RAP1GDS1: variants seen among roughly 807,000 people sequenced by gnomAD.
The protein encoded by RAP1GDS1 is Rap1 GTPase-GDP dissociation stimulator 1.
A neutral mutation model predicts 71.1 loss-of-function variants in RAP1GDS1; 35 were observed. The observed-to-expected ratio is 0.49, with a 90% CI of 0.38 to 0.65. The LOEUF is 0.65. RAP1GDS1 is among the 30% of genes least tolerant of loss of function. RAP1GDS1 has a pLI of 0.00. For synonymous variants in RAP1GDS1, 229 were observed against 243.1 expected (o/e 0.94, Z 0.54); for missense variants, 663 against 706.1 (o/e 0.94, Z 0.69).
intron 2 of RAP1GDS1, among the ~76,000 whole-genome samples, chr4:98,320,006 T>A (rs1262961674): frequency 6.6e-6 from 1 of 152,168 alleles, no homozygotes; most frequent in Non-Finnish European, 1.5e-5. Flanking sequence ...ACTTTTATGA[T>A]GATCCACTTC....
intron 12 of RAP1GDS1, among the ~76,000 whole-genome samples, chr4:98,429,249 C>T (rs571926359): frequency 6.2e-4 from 83 of 134,394 alleles, no homozygotes; most frequent in Middle Eastern, 4.2e-3. Flanking sequence ...CAGTGCAAGA[C>T]GTGTCTCAAA....
intron 7 of RAP1GDS1, among the ~76,000 whole-genome samples, chr4:98,415,978 A>G (rs1747918306): frequency 6.6e-6 from 1 of 151,846 alleles, no homozygotes; most frequent in African/African-American, 2.4e-5. Context: ...GTGCAGTGGC[A>G]CAGTCATAGC....
At chr4:98,311,341 T>C (rs947819984) in intron 2 of RAP1GDS1, among the ~76,000 whole-genome samples, 2 of 152,240 alleles carry the variant, frequency 1.3e-5, no homozygotes, top group Non-Finnish European at 2.9e-5. Context: ...GACTCTTAAG[T>C]ATTTTTTAAA....
chr4:98,291,092 A>G (rs1170315153), intron 1 of RAP1GDS1, among the ~76,000 whole-genome samples: 3 of 152,162 alleles, frequency 2.0e-5, no homozygotes, highest in African/African-American at 7.2e-5. Context: ...AGAAAAATTC[A>G]TTGGCTTTGT....
chr4:98,359,427 G>A (rs1230534009), intron 4 of RAP1GDS1, among the ~76,000 whole-genome samples: 1 of 152,128 alleles, frequency 6.6e-6, no homozygotes, highest in Non-Finnish European at 1.5e-5. Flanking sequence ...GTAGTAAAGA[G>A]GGCACTCAAA....
At chr4:98,405,611 C>G (rs1380291900) in intron 7 of RAP1GDS1, among the ~76,000 whole-genome samples, 1 of 151,714 alleles carries the variant, frequency 6.6e-6, no homozygotes, top group Non-Finnish European at 1.5e-5. Flanking sequence ...TGCAAAGATC[C>G]AAGAAGCCCT....
intron 2 of RAP1GDS1, among the ~76,000 whole-genome samples, chr4:98,322,873 G>T (rs1217418376): frequency 7.9e-6 from 1 of 126,974 alleles, no homozygotes; most frequent in Non-Finnish European, 1.5e-5. Context: ...AGAAAAGCAA[G>T]AGCAAACACA....
chr4:98,264,920 A>G (rs1376942669), intron 1 of RAP1GDS1, among the ~76,000 whole-genome samples: 1 of 152,256 alleles, frequency 6.6e-6, no homozygotes, highest in Non-Finnish European at 1.5e-5. Flanking sequence ...AGGTAAGGAA[A>G]TAGTGGGTAA....
At chr4:98,330,947 G>A (rs924010038) in intron 2 of RAP1GDS1, among the ~76,000 whole-genome samples, 9 of 152,320 alleles carry the variant, frequency 5.9e-5, no homozygotes, top group South Asian at 2.1e-4. Context: ...CAAGGCAGGC[G>A]GCTGGGAGGT....
intron 4 of RAP1GDS1, among the ~76,000 whole-genome samples, chr4:98,374,363 A>AG (rs1223054659): frequency 6.6e-6 from 1 of 151,808 alleles, no homozygotes; most frequent in Non-Finnish European, 1.5e-5. Flanking sequence ...TACAGTCTCC[A>AG]TTTTCTCCAA....
chr4:98,415,887 A>G (rs922548742), intron 7 of RAP1GDS1, among the ~76,000 whole-genome samples: 3 of 152,142 alleles, frequency 2.0e-5, no homozygotes, highest in African/African-American at 7.2e-5. Flanking sequence ...GAAAACCTGA[A>G]GCCCTTTTTA....
At chr4:98,321,912 C>G (rs1182098502) in intron 2 of RAP1GDS1, among the ~76,000 whole-genome samples, 4 of 39,358 alleles carry the variant, frequency 1.0e-4, no homozygotes, top group Non-Finnish European at 2.1e-4. Flanking sequence ...CAAATTCACA[C>G]ATAACAATAT....
chr4:98,429,746 C>A (rs1054346443), intron 12 of RAP1GDS1, among the ~76,000 whole-genome samples: 3 of 152,178 alleles, frequency 2.0e-5, no homozygotes, highest in Non-Finnish European at 4.4e-5. Flanking sequence ...GCAGGTTGGA[C>A]ACGCTTGGTT....
chr4:98,340,211 A>G (rs372157713), intron 2 of RAP1GDS1, among the ~76,000 whole-genome samples: 3 of 152,244 alleles, frequency 2.0e-5, no homozygotes, highest in Non-Finnish European at 4.4e-5. Flanking sequence ...TCATTCTACG[A>G]TAAAGACACA....
At chr4:98,309,576 A>C (rs1464114312) in intron 2 of RAP1GDS1, among the ~76,000 whole-genome samples, 1 of 152,028 alleles carries the variant, frequency 6.6e-6, no homozygotes, top group Non-Finnish European at 1.5e-5. Context: ...AGTCAAGGTA[A>C]GGGAAGGATA....
chr4:98,292,729 G>A (rs996330931), intron 1 of RAP1GDS1, among the ~76,000 whole-genome samples: 4 of 152,084 alleles, frequency 2.6e-5, no homozygotes, highest in Admixed American at 6.6e-5. Flanking sequence ...TGATTTTGTA[G>A]TATGTTAAAT....
chr4:98,280,840 T>C (rs573178638), intron 1 of RAP1GDS1, among the ~76,000 whole-genome samples: 1 of 152,246 alleles, frequency 6.6e-6, no homozygotes, highest in South Asian at 2.1e-4. Flanking sequence ...CTAGCCAGTT[T>C]TCCCAGCACC....
intron 1 of RAP1GDS1, among the ~76,000 whole-genome samples, chr4:98,274,798 AC>A (rs1723969129): frequency 6.6e-6 from 1 of 152,196 alleles, no homozygotes; most frequent in African/African-American, 2.4e-5. Context: ...GCCAAAGAAA[AC>A]CTCTACAAGT....
intron 1 of RAP1GDS1, among the ~76,000 whole-genome samples, chr4:98,283,031 T>A (rs908458215): frequency 2.0e-5 from 3 of 152,064 alleles, no homozygotes; most frequent in South Asian, 4.1e-4. Context: ...TAAAAAAAAA[T>A]TGCCTTTAAA....
Sources: allele counts gnomAD v4.1 joint callset (sites outside exome capture counted in the v4.1 genomes callset), GRCh38; gene constraint gnomAD v4.1.1; transcripts MANE v1.5; gene names NCBI Gene and HGNC (gene_info 2026-07-23, HGNC 2026-07-21).